The following MR1 variants were observed in gnomAD, a reference collection of about 807,000 sequenced individuals.
MR1 encodes major histocompatibility complex class I-related protein 1.
In MR1, 44 loss-of-function variants were observed where a neutral mutation model predicts 37.8. The observed-to-expected ratio is 1.16, with a 90% confidence interval of 0.91 to 1.50. The LOEUF (loss-of-function observed/expected upper bound fraction) is 1.50, where lower values mean the gene tolerates loss of function less well. Ranked by LOEUF, MR1 falls within the 40% of genes most tolerant of loss-of-function variation. The probability of loss-of-function intolerance (pLI) is 0.00; values close to 1 mark genes in which losing one functional copy is unlikely to be tolerated. For synonymous variants in MR1, 153 were observed against 155.8 expected, an observed-to-expected ratio of 0.98 and a Z score of 0.13; for missense variants, 386 against 419.1, an observed-to-expected ratio of 0.92 and a Z score of 0.69.
At chr1:181,047,065 G>C (rs750017705) in intron 1 of MR1, among the ~76,000 whole-genome samples, 1 of 151,948 alleles carries the variant, frequency 6.6e-6, no homozygotes, top group Non-Finnish European at 1.5e-5. Context: ...CACCAATTGC[G>C]GACACACCAC....
chr1:181,049,346 T>C (rs750827940), intron 2 of MR1, 34 bp downstream of exon 2: 41 of 1,591,542 alleles, frequency 2.6e-5, no homozygotes, highest in East Asian at 2.5e-4. Flanking sequence ...GCTTCCCCCA[T>C]CCCACCCCAA....
chr1:181,040,446 C>G (rs1657497450), intron 1 of MR1, among the ~76,000 whole-genome samples: 2 of 152,148 alleles, frequency 1.3e-5, no homozygotes, highest in Admixed American at 1.3e-4. Flanking sequence ...CTGGACTTTT[C>G]CTCATCTTTT....
At chr1:181,047,674 G>A (rs1658251596) in intron 1 of MR1, among the ~76,000 whole-genome samples, 1 of 151,868 alleles carries the variant, frequency 6.6e-6, no homozygotes, top group Admixed American at 6.6e-5. Flanking sequence ...AAGGCAGGCG[G>A]ATCACGAGGT....
At position 181,055,274 on chromosome 1, in the gene MR1, C is replaced by A. The variant is rs369392280; in HGVS notation, c.*9C>A. 3.1e-6 allele frequency: 5 copies of A among 1,610,514 alleles called. No individual in the cohort carries two copies. The highest frequency in any genetic ancestry group is 4.2e-6 in the Non-Finnish European group (5 of 1,176,812). On this transcript the variant is annotated 3_prime_UTR_variant, in exon 6 of 6. Coordinates refer to ENST00000367580, the MANE Select transcript of MR1 (RefSeq NM_001385161.1). The stretch of plus-strand genomic sequence containing the variant: ...CAACACCAGATCGATGATTGCAGAT[C>A]CCTCTTTTCCAGTTCTCCTTCCTCT...
rs369153278 is a variant in MR1 at position 181,049,212 on chromosome 1, C to T, written c.228C>T (p.Leu76=). The T allele has an allele frequency of 2.7e-5, 44 of 1,614,080 alleles. No individual in the cohort carries two copies. The highest frequency in any genetic ancestry group is 1.3e-4 in the African/African-American group (10 of 74,932). The change falls in exon 2 of 6, where the codon CTC becomes CTT. Residue 76 remains leucine (L), a synonymous_variant. Transcript: ENST00000367580. The stretch of plus-strand genomic sequence containing the variant: ...GGGCCCCATGGATGGCAGAGAACCT[C>T]GCGCCTGATCACTGGGAGAGGTACA... ...EPRAPWMAEN[L]APDHWERYTQ... is the part of the protein sequence containing the mutation.
chr1:181,039,224 T>G (rs1296748246), intron 1 of MR1, among the ~76,000 whole-genome samples: 1 of 152,242 alleles, frequency 6.6e-6, no homozygotes, highest in African/African-American at 2.4e-5. Flanking sequence ...ACACAAGGTA[T>G]GTGCTCAATA....
chr1:181,053,499 G>A (rs747221192), intron 4 of MR1, 74 bp from the exon 5 acceptor site: 1 of 1,144,912 alleles, frequency 8.7e-7, no homozygotes. Flanking sequence ...ATGATCACAG[G>A]GACAAAAGTC....
intron 5 of MR1, 37 bp downstream of exon 5, chr1:181,053,714 ACT>A: frequency 7.2e-7 from 1 of 1,385,480 alleles, no homozygotes; most frequent in Non-Finnish European, 1.0e-6. Flanking sequence ...GGGGCTGCAG[ACT>A]CTCCTGCATC....
At chr1:181,043,482 G>A (rs891355577) in intron 1 of MR1, among the ~76,000 whole-genome samples, 3 of 152,188 alleles carry the variant, frequency 2.0e-5, no homozygotes, top group African/African-American at 7.2e-5. Flanking sequence ...CAGCACTTTG[G>A]GAGGCCAAAG....
chr1:181,049,893 C>G, intron 2 of MR1, 118 bp from the exon 3 acceptor site: 3 of 1,211,224 alleles, frequency 2.5e-6, no homozygotes, highest in Non-Finnish European at 3.5e-6. Flanking sequence ...CCATGGCAGG[C>G]CTGGGGGGTG....
intron 1 of MR1, among the ~76,000 whole-genome samples, chr1:181,048,774 C>T (rs934327216): frequency 4.6e-5 from 7 of 152,186 alleles, no homozygotes; most frequent in Non-Finnish European, 1.0e-4. Flanking sequence ...CATAGCAGCA[C>T]TCTATATTTT....
intron 5 of MR1, among the ~76,000 whole-genome samples, chr1:181,053,960 T>C (rs7545452): frequency 0.022 from 3,367 of 152,302 alleles, 118 homozygotes; most frequent in African/African-American, 0.077. Context: ...AGAGAAGATA[T>C]GGGGATCTTG....
rs766421694 is a variant in MR1 at position 181,050,199 on chromosome 1, C to A, written c.517C>A (p.Leu173Met). Reference sequence around the variant, plus strand: ...ATGGGAGGCCAATCAGCATGAGTTGCTGTATCAAAAGAATTGGCTGGAAGA... The same window carrying A: ...ATGGGAGGCCAATCAGCATGAGTTGATGTATCAAAAGAATTGGCTGGAAGA... ...QAWEANQHEL[L>M]YQKNWLEEEC... The change falls in exon 3 of 6, where the codon CTG becomes ATG. Residue 173 changes from leucine to methionine, a missense_variant. Leu to Met is a conservative substitution (Grantham distance 15). Transcript: ENST00000367580. 3.7e-6 allele frequency: 6 copies of A among 1,614,102 alleles called. No individual in the cohort carries two copies. The African/African-American group carries it at 8.0e-5, about 22-fold the overall frequency.
chr1:181,048,940 G>T, intron 1 of MR1, 112 bp from the exon 2 acceptor site: 3 of 1,378,126 alleles, frequency 2.2e-6, no homozygotes, highest in Non-Finnish European at 3.0e-6. Flanking sequence ...CTGGGGCGTG[G>T]AGGCCTGGGT....
chr1:181,059,103 A>G lies in MR1; in HGVS notation c.*3838A>G, dbSNP rs1173499230. 6.6e-6 allele frequency: 1 copy of G among 152,276 alleles called. No homozygotes were observed. The highest frequency in any genetic ancestry group is 1.5e-5 in the Non-Finnish European group (1 of 68,074). 9.4% of individuals were successfully genotyped at this position (152,276 alleles called of 1,614,324 possible). A position where few individuals can be genotyped will look rare whatever the true frequency, so the allele number is the denominator to read the frequency against. On this transcript the variant is annotated 3_prime_UTR_variant, in exon 6 of 6. Coordinates refer to ENST00000367580, the MANE Select transcript of MR1 (RefSeq NM_001385161.1). ...GCCATGTGCTGTGGGCAGCAGAGCTAGGAAGAAGCACAGGCATCTCCCAGC... is the reference window on the plus strand; with the variant it reads ...GCCATGTGCTGTGGGCAGCAGAGCTGGGAAGAAGCACAGGCATCTCCCAGC...
At chr1:181,041,068 T>C (rs1161414939) in intron 1 of MR1, among the ~76,000 whole-genome samples, 1 of 146,468 alleles carries the variant, frequency 6.8e-6, no homozygotes, top group African/African-American at 2.6e-5. Flanking sequence ...GGTGACAGAG[T>C]GAGACTCTGT....
At chr1:181,043,941 ATTTT>A (rs5779078) in intron 1 of MR1, among the ~76,000 whole-genome samples, 2 of 128,398 alleles carry the variant, frequency 1.6e-5, no homozygotes, top group Non-Finnish European at 3.3e-5. Flanking sequence ...TTGTGAGCTG[ATTTT>A]TTTTTTTTGT....
chr1:181,046,709 TTGCAA>T (rs1657898967), intron 1 of MR1, among the ~76,000 whole-genome samples: 1 of 152,062 alleles, frequency 6.6e-6, no homozygotes, highest in Non-Finnish European at 1.5e-5. Flanking sequence ...GTTTCGCTCT[TTGCAA>T]TAAATCCTGC....
In MR1 at chr1:181,057,317, G is replaced by A. The variant is rs532648099; in HGVS notation, c.*2052G>A. 2 of 152,298 alleles carry A rather than the reference G, an allele frequency of 1.3e-5. No homozygotes were observed. The highest frequency in any genetic ancestry group is 2.4e-5 in the African/African-American group (1 of 41,556). The allele number at this position is 152,298 out of a possible 1,614,324, so 9.4% of individuals were successfully genotyped here. A position where few individuals can be genotyped will look rare whatever the true frequency, so the allele number is the denominator to read the frequency against. ...TTTAGGGTTGCCATGGGCAATTTCC[G>A]TGCCACTTTTAAGCAGTGTTGCACT... On this transcript the variant is annotated 3_prime_UTR_variant, in exon 6 of 6. Coordinates refer to ENST00000367580, the MANE Select transcript of MR1 (RefSeq NM_001385161.1).
Sources: allele counts gnomAD v4.1 joint callset (sites outside exome capture counted in the v4.1 genomes callset), GRCh38; gene constraint gnomAD v4.1.1; transcripts MANE v1.5; gene names NCBI Gene and HGNC (gene_info 2026-07-23, HGNC 2026-07-21).